PPP2R5E: variants seen among roughly 807,000 people sequenced by gnomAD.
PPP2R5E encodes the protein protein phosphatase 2 regulatory subunit B'epsilon, also known as serine/threonine-protein phosphatase 2A 56 kDa regulatory subunit epsilon isoform.
In PPP2R5E, 4 loss-of-function variants were observed where a neutral mutation model predicts 65.3. That is an observed-to-expected ratio of 0.06 (90% CI 0.03 to 0.14). The LOEUF is 0.14. PPP2R5E is among the 10% of genes least tolerant of loss of function. The pLI is 1.00. For synonymous variants in PPP2R5E, 183 were observed against 187.4 expected (o/e 0.98, Z 0.19); for missense variants, 274 against 556.1 (o/e 0.49, Z 5.10).
intron 2 of PPP2R5E, among the ~76,000 whole-genome samples, chr14:63,462,020 A>T (rs1334862708): frequency 2.0e-5 from 3 of 151,776 alleles, no homozygotes; most frequent in Non-Finnish European, 4.4e-5. Flanking sequence ...ATACTTTTCT[A>T]GAAGCACGGA....
At chr14:63,396,554 T>A in intron 6 of PPP2R5E, 32 bp downstream of exon 6, 1 of 1,606,524 alleles carries the variant, frequency 6.2e-7, no homozygotes, top group South Asian at 1.1e-5. Context: ...CCAACTTTGC[T>A]TCTCCTTCTT....
chr14:63,385,884 T>C (rs1884637817), intron 11 of PPP2R5E, among the ~76,000 whole-genome samples: 1 of 152,220 alleles, frequency 6.6e-6, no homozygotes, highest in African/African-American at 2.4e-5. Flanking sequence ...TGGCTGCACC[T>C]ACCCTCTCTG....
chr14:63,540,781 T>C (rs1011731519), intron 1 of PPP2R5E, among the ~76,000 whole-genome samples: 2 of 150,730 alleles, frequency 1.3e-5, no homozygotes, highest in Non-Finnish European at 3.0e-5. Flanking sequence ...CAGGAAAACA[T>C]GAAAATTTAG....
intron 2 of PPP2R5E, among the ~76,000 whole-genome samples, chr14:63,507,886 G>A (rs1892285937): frequency 6.6e-6 from 1 of 152,142 alleles, no homozygotes. Flanking sequence ...CCCCAGCAAG[G>A]GTAATTCTCT....
chr14:63,501,126 G>A (rs546652391), intron 2 of PPP2R5E, among the ~76,000 whole-genome samples: 1 of 152,100 alleles, frequency 6.6e-6, no homozygotes, highest in Admixed American at 6.6e-5. Context: ...AGGGCCGGGC[G>A]CAGTGGCTCA....
At chr14:63,519,911 C>T (rs889011633) in intron 2 of PPP2R5E, among the ~76,000 whole-genome samples, 21 of 152,150 alleles carry the variant, frequency 1.4e-4, no homozygotes, top group South Asian at 6.2e-4. Flanking sequence ...CCGCCCGCCT[C>T]GGCCTCCCAA....
chr14:63,409,412 A>G (rs1451136196), intron 5 of PPP2R5E, among the ~76,000 whole-genome samples: 2 of 152,186 alleles, frequency 1.3e-5, no homozygotes, highest in Non-Finnish European at 2.9e-5. Flanking sequence ...GTCTCAAAAT[A>G]AATAAATAAA....
intron 11 of PPP2R5E, among the ~76,000 whole-genome samples, chr14:63,389,353 T>C (rs1025755639): frequency 6.6e-6 from 1 of 151,914 alleles, no homozygotes; most frequent in East Asian, 1.9e-4. Flanking sequence ...TGTTCACATC[T>C]GTATGTCTTT....
chr14:63,389,510 A>G, intron 11 of PPP2R5E, 102 bp downstream of exon 11: 1 of 1,326,126 alleles, frequency 7.5e-7, no homozygotes. Flanking sequence ...GGGATAGCAA[A>G]TAAACAATAG....
intron 2 of PPP2R5E, among the ~76,000 whole-genome samples, chr14:63,505,337 T>A (rs1046730783): frequency 1.3e-5 from 2 of 152,146 alleles, no homozygotes; most frequent in African/African-American, 4.8e-5. Context: ...CAAAAGAAGT[T>A]TCCAAAGATG....
intron 2 of PPP2R5E, among the ~76,000 whole-genome samples, chr14:63,516,088 A>T (rs769629389): frequency 3.3e-5 from 5 of 151,976 alleles, no homozygotes; most frequent in Non-Finnish European, 7.4e-5. Flanking sequence ...TGACCTTGTG[A>T]TCCGCCCACC....
chr14:63,478,233 G>A (rs1212617234), intron 2 of PPP2R5E, among the ~76,000 whole-genome samples: 1 of 152,112 alleles, frequency 6.6e-6, no homozygotes, highest in Non-Finnish European at 1.5e-5. Context: ...GCCTCTTTTT[G>A]AGAACGGTGA....
intron 12 of PPP2R5E, among the ~76,000 whole-genome samples, chr14:63,383,175 T>C (rs1230052900): frequency 6.6e-6 from 1 of 152,222 alleles, no homozygotes; most frequent in African/African-American, 2.4e-5. Context: ...AAGGTTATGA[T>C]GGGCTTGATA....
intron 11 of PPP2R5E, among the ~76,000 whole-genome samples, chr14:63,385,843 A>ATC (rs1474585762): frequency 6.6e-6 from 1 of 152,032 alleles, no homozygotes; most frequent in Non-Finnish European, 1.5e-5. Context: ...AAGCCAGGAG[A>ATC]TGTCTGCTCA....
chr14:63,482,136 C>A (rs1217328099), intron 2 of PPP2R5E, among the ~76,000 whole-genome samples: 2 of 152,142 alleles, frequency 1.3e-5, no homozygotes, highest in African/African-American at 2.4e-5. Flanking sequence ...TTACAAAATT[C>A]TTTCAAGCCT....
At chr14:63,452,264 G>A (rs1555361690) in intron 3 of PPP2R5E, 1 of 152,218 alleles carries the variant, frequency 6.6e-6, no homozygotes, top group Non-Finnish European at 1.5e-5. Context: ...TCTGCAGAAG[G>A]CAGGTAGACT....
chr14:63,528,989 A>G (rs898397918), intron 2 of PPP2R5E, among the ~76,000 whole-genome samples: 1 of 152,232 alleles, frequency 6.6e-6, no homozygotes, highest in African/African-American at 2.4e-5. Flanking sequence ...TATAAGAAAC[A>G]ACAGAGTAAT....
intron 2 of PPP2R5E, among the ~76,000 whole-genome samples, chr14:63,526,174 C>T (rs992590449): frequency 6.6e-6 from 1 of 151,956 alleles, no homozygotes; most frequent in African/African-American, 2.4e-5. Flanking sequence ...TCATGTCCTT[C>T]GCTGGTTCAA....
At chr14:63,429,493 C>G (rs747498215) in intron 3 of PPP2R5E, among the ~76,000 whole-genome samples, 86 of 152,184 alleles carry the variant, frequency 5.7e-4, no homozygotes, top group Non-Finnish European at 1.1e-3. Context: ...AAGACCTCAT[C>G]ATGCAAGTAA....
Sources: allele counts gnomAD v4.1 joint callset (sites outside exome capture counted in the v4.1 genomes callset), GRCh38; gene constraint gnomAD v4.1.1; transcripts MANE v1.5; gene names NCBI Gene and HGNC (gene_info 2026-07-23, HGNC 2026-07-21).